Variants in FREM1 observed in about 807,000 individuals in gnomAD.
The protein encoded by FREM1 is FRAS1-related extracellular matrix protein 1.
In FREM1, 220 loss-of-function variants were observed where a neutral mutation model predicts 210.1. The observed-to-expected ratio is 1.05, with a 90% CI of 0.94 to 1.17. FREM1 has a LOEUF of 1.17. Ranked by LOEUF, FREM1 falls within the 50% of genes most tolerant of loss-of-function variation. FREM1 has a pLI of 0.00. For missense variants in FREM1, 3,454 were observed against 2,675.5 expected (o/e 1.29, Z -6.42); for synonymous variants, 1,189 against 980.2 (o/e 1.21, Z -3.98).
At position 14,784,508 on chromosome 9, in the gene FREM1, G is replaced by C. The variant is rs1262757022; in HGVS notation, c.4304C>G (p.Ser1435Cys). Reference protein sequence around the residue: ...KPEELLYVITSPPRYGQIEYV... With the variant: ...KPEELLYVITCPPRYGQIEYV... ...TTCGATCTGGCCATATCGCGGAGGG[G>C]AGGTGATGACATAGAGCAGTTCCTC... The change falls in exon 24 of 37, where the codon TCC becomes TGC. Residue 1435 changes from serine to cysteine, a missense_variant. Coordinates refer to ENST00000380880, the MANE Select transcript of FREM1 (RefSeq NM_001379081.2). 6.8e-6 allele frequency: 11 copies of C among 1,613,892 alleles called. No homozygotes were observed. Among genetic ancestry groups the C allele is most frequent in the Non-Finnish European group, 7.6e-6 (9 of 1,179,836 alleles).
chr9:14,819,101 C>T (rs995226672), intron 14 of FREM1, 133 bp downstream of exon 14: 1 of 539,482 alleles, frequency 1.9e-6, no homozygotes, highest in Non-Finnish European at 3.2e-6. Flanking sequence ...TTCAACTGAC[C>T]CGTTGAGTGT....
At chr9:14,840,656 A>G (rs1352173710) in intron 10 of FREM1, among the ~76,000 whole-genome samples, 1 of 152,200 alleles carries the variant, frequency 6.6e-6, no homozygotes, top group East Asian at 1.9e-4. Context: ...TGGGAGTTAC[A>G]ATTCAAGATG....
At chr9:14,769,060 A>G (rs1025092592) in intron 27 of FREM1, among the ~76,000 whole-genome samples, 2 of 152,320 alleles carry the variant, frequency 1.3e-5, no homozygotes, top group East Asian at 3.9e-4. Flanking sequence ...CAAGGTCTAC[A>G]TTCAAGAAAA....
chr9:14,759,824 A>G lies in FREM1; in HGVS notation c.5282T>C (p.Leu1761Ser). Residue 1761 changes from leucine (L) to serine (S), a missense_variant, in exon 28 of 37, where the codon TTG becomes TCG. Coordinates refer to ENST00000380880, the MANE Select transcript of FREM1 (RefSeq NM_001379081.2). The part of the protein sequence containing the change: ...EVCENVGLLP[L>S]EIIRRGYSMD... ...GGAATATCCCCTTCTGATAATTTCC[A>G]AGGGCAACAAACCCACATTCTCACA... The G allele has an allele frequency of 6.2e-7, 1 of 1,612,990 alleles. No individual in the cohort carries two copies. Among genetic ancestry groups the G allele is most frequent in the Non-Finnish European group, 8.5e-7 (1 of 1,179,300 alleles).
At chr9:14,756,535 C>G in intron 28 of FREM1, 89 bp from the exon 29 acceptor site, 1 of 890,456 alleles carries the variant, frequency 1.1e-6, no homozygotes, top group East Asian at 2.8e-5. Context: ...GGACTAAACT[C>G]ATGCTCTTAA....
chr9:14,883,640 C>G (rs141878789), intron 1 of FREM1, among the ~76,000 whole-genome samples: 4 of 152,276 alleles, frequency 2.6e-5, no homozygotes, highest in African/African-American at 9.6e-5. Flanking sequence ...TCTTTTAACA[C>G]CTCAAAATGA....
intron 27 of FREM1, among the ~76,000 whole-genome samples, chr9:14,764,637 C>T (rs1286471657): frequency 3.9e-5 from 6 of 152,138 alleles, no homozygotes; most frequent in Admixed American, 3.3e-4. Flanking sequence ...ATGGTGCTGG[C>T]CTTCAGCTGA....
chr9:14,792,272 G>GCGCACACACACACACACA (rs1472365300), intron 22 of FREM1, among the ~76,000 whole-genome samples: 1 of 142,244 alleles, frequency 7.0e-6, no homozygotes, highest in African/African-American at 2.7e-5. Flanking sequence ...ACACACACAC[G>GCGCACACACACACACACA]CACACACACA....
rs563307098 is a variant in FREM1 at position 14,789,809 on chromosome 9, A to T, written c.3982-695T>A. 5.3e-5 allele frequency among the ~76,000 whole-genome samples: 8 copies of T among 152,344 alleles called. No homozygotes were observed. The East Asian group carries it at 1.5e-3, about 29-fold the overall frequency. ...GCAGAAATTGTGGCATTTTGAATTTAAAAAGGTTCTTATGCTGAGGGGGGT... is the reference window on the plus strand; with the variant it reads ...GCAGAAATTGTGGCATTTTGAATTTTAAAAGGTTCTTATGCTGAGGGGGGT... On this transcript the variant is annotated intron_variant, in intron 22 of 36. Transcript: ENST00000380880.
Position 14,805,229 on chromosome 9 carries a change from TA to T in FREM1, c.3275-78del, listed in dbSNP as rs550588932. 51 of 735,354 alleles carry T rather than the reference TA, an allele frequency of 6.9e-5. No homozygotes were observed. The East Asian group carries it at 1.2e-3, about 17-fold the overall frequency. The allele number at this position is 735,354 out of a possible 1,614,324, so 45.6% of individuals were successfully genotyped here. A position where few individuals can be genotyped will look rare whatever the true frequency, so the allele number is the denominator to read the frequency against. On this transcript the variant is annotated intron_variant, in intron 18 of 36. Transcript: ENST00000380880. ...TATTGGTCCTTAATCCTTAACCCAA[TA>T]ATAGTCAATTTCTCAGTAATACAAA...
chr9:14,837,251 T>C (rs929264691), intron 10 of FREM1, among the ~76,000 whole-genome samples: 7 of 152,158 alleles, frequency 4.6e-5, no homozygotes, highest in African/African-American at 1.7e-4. Context: ...CTGAGCCCTA[T>C]GCAAATCAGA....
intron 10 of FREM1, among the ~76,000 whole-genome samples, chr9:14,834,169 G>A (rs138330402): frequency 2.6e-5 from 4 of 152,238 alleles, no homozygotes; most frequent in East Asian, 1.9e-4. Context: ...AGAGAAGCAC[G>A]CTCTTAGCCA....
At position 14,747,396 on chromosome 9, in the gene FREM1, A is replaced by G. The variant is rs772616034; in HGVS notation, c.5877T>C (p.Asp1959=). ...YHGIVSLKLE[D]DSFPTHKRKA... ...TCCTTTTGTGAGTTGGGAAACTGTC[A>G]TCCTCCAGTTTCAAGGAAACTATCC... Residue 1959 remains aspartate, a synonymous_variant, in exon 33 of 37, where the codon GAT becomes GAC. Transcript: ENST00000380880. 2.5e-6 allele frequency: 4 copies of G among 1,613,656 alleles called. No individual in the cohort carries two copies. The highest frequency in any genetic ancestry group is 1.7e-5 in the Admixed American group (1 of 59,992).
chr9:14,886,352 C>G (rs1162375141), intron 1 of FREM1, among the ~76,000 whole-genome samples: 3 of 126,354 alleles, frequency 2.4e-5, no homozygotes, highest in African/African-American at 8.9e-5. Context: ...TGCCACTGCA[C>G]TCCAGCCTGG....
chr9:14,755,561 C>T (rs1487663835), intron 29 of FREM1, among the ~76,000 whole-genome samples: 3 of 152,214 alleles, frequency 2.0e-5, no homozygotes, highest in African/African-American at 7.2e-5. Flanking sequence ...GTGAGTGAGG[C>T]AGAGCTACCT....
intron 16 of FREM1, among the ~76,000 whole-genome samples, chr9:14,808,406 C>A (rs1818763694): frequency 6.6e-6 from 1 of 152,176 alleles, no homozygotes; most frequent in South Asian, 2.1e-4. Flanking sequence ...AAGGGTCTGA[C>A]AGTTTATGAA....
At chr9:14,797,671 C>A (rs1397746255) in intron 20 of FREM1, 29 bp from the exon 21 acceptor site, 3 of 1,585,168 alleles carry the variant, frequency 1.9e-6, no homozygotes, top group Non-Finnish European at 2.6e-6. Flanking sequence ...ATAAGTAAAT[C>A]TTCCTTATGA....
chr9:14,881,449 T>A (rs1336978553), intron 1 of FREM1, among the ~76,000 whole-genome samples: 1 of 152,238 alleles, frequency 6.6e-6, no homozygotes, highest in Non-Finnish European at 1.5e-5. Context: ...CAAATTTGTG[T>A]TTAATGAATT....
intron 10 of FREM1, among the ~76,000 whole-genome samples, chr9:14,840,266 G>A (rs775659054): frequency 2.0e-5 from 3 of 152,122 alleles, no homozygotes; most frequent in Non-Finnish European, 4.4e-5. Flanking sequence ...CCATATACAG[G>A]CTATCTTCCA....
Sources: allele counts gnomAD v4.1 joint callset (sites outside exome capture counted in the v4.1 genomes callset), GRCh38; gene constraint gnomAD v4.1.1; transcripts MANE v1.5; gene names NCBI Gene and HGNC (gene_info 2026-07-23, HGNC 2026-07-21).